Variants in SEZ6L observed in about 807,000 individuals in gnomAD.
SEZ6L encodes seizure 6-like protein.
A neutral mutation model predicts 106.2 loss-of-function variants in SEZ6L; 37 were observed. That is an observed-to-expected ratio of 0.35 (90% confidence interval 0.27 to 0.46). The LOEUF is 0.46. SEZ6L is among the 20% of genes least tolerant of loss of function. SEZ6L has a pLI of 1.00. For synonymous variants in SEZ6L, 541 were observed against 570.4 expected (o/e 0.95, Z 0.73); for missense variants, 1,172 against 1,332.8 (o/e 0.88, Z 1.88).
intron 1 of SEZ6L, among the ~76,000 whole-genome samples, chr22:26,256,755 A>C (rs890931585): frequency 5.3e-5 from 8 of 152,164 alleles, no homozygotes; most frequent in African/African-American, 1.2e-4. Context: ...CCGCAGACCC[A>C]CTGGGTCAGA....
intron 9 of SEZ6L, among the ~76,000 whole-genome samples, chr22:26,318,756 A>G (rs1277277521): frequency 1.3e-5 from 2 of 152,106 alleles, no homozygotes; most frequent in Non-Finnish European, 1.5e-5. Flanking sequence ...CTCCCTCCCT[A>G]TATCTACTTA....
chr22:26,265,347 G>C (rs763959130), intron 1 of SEZ6L, among the ~76,000 whole-genome samples: 11 of 152,078 alleles, frequency 7.2e-5, no homozygotes, highest in Non-Finnish European at 1.5e-4. Flanking sequence ...CCTCCCGCAC[G>C]CAAGTTCTGA....
chr22:26,322,322 A>G (rs902922049), intron 9 of SEZ6L, among the ~76,000 whole-genome samples: 7 of 152,186 alleles, frequency 4.6e-5, no homozygotes, highest in African/African-American at 1.7e-4. Flanking sequence ...CGTAGCCTCC[A>G]CTTCCACTGA....
At chr22:26,367,639 C>T (rs2083866701) in intron 13 of SEZ6L, among the ~76,000 whole-genome samples, 1 of 152,120 alleles carries the variant, frequency 6.6e-6, no homozygotes, top group Non-Finnish European at 1.5e-5. Context: ...CCTCTGCCTG[C>T]TTTTGACCCC....
chr22:26,327,517 C>G (rs1160475641), intron 9 of SEZ6L, among the ~76,000 whole-genome samples: 3 of 145,388 alleles, frequency 2.1e-5, no homozygotes, highest in Non-Finnish European at 4.6e-5. Flanking sequence ...ACACACGCCA[C>G]ACACCCCACG....
intron 1 of SEZ6L, among the ~76,000 whole-genome samples, chr22:26,202,070 C>T (rs946173199): frequency 2.0e-5 from 3 of 152,098 alleles, no homozygotes; most frequent in East Asian, 1.9e-4. Flanking sequence ...CCCGCCATCA[C>T]GCCCGGCTAA....
intron 7 of SEZ6L, 87 bp from the exon 8 acceptor site, chr22:26,311,681 C>T (rs893958864): frequency 3.4e-6 from 4 of 1,189,628 alleles, no homozygotes; most frequent in South Asian, 1.4e-5. Context: ...CTTTTCTAAA[C>T]AGCACAGGGG....
At chr22:26,219,849 C>A (rs1233586033) in intron 1 of SEZ6L, among the ~76,000 whole-genome samples, 2 of 152,124 alleles carry the variant, frequency 1.3e-5, no homozygotes, top group Non-Finnish European at 2.9e-5. Flanking sequence ...GCATGCGGGA[C>A]TTAATAACTA....
At chr22:26,225,370 C>T (rs1254844264) in intron 1 of SEZ6L, among the ~76,000 whole-genome samples, 1 of 152,148 alleles carries the variant, frequency 6.6e-6, no homozygotes, top group East Asian at 1.9e-4. Context: ...CTTGCTCCTC[C>T]ATGACTAGTT....
intron 1 of SEZ6L, among the ~76,000 whole-genome samples, chr22:26,287,930 A>G (rs561804534): frequency 6.0e-4 from 91 of 152,352 alleles, no homozygotes; most frequent in Non-Finnish European, 1.1e-3. Flanking sequence ...TCAGGTTTTC[A>G]GTGGGAAAGG....
rs572504676 is a variant in SEZ6L, at chr22:26,289,084, C to T, written c.95-3322C>T. Reference sequence around the variant, plus strand: ...TTCTTTCATATGCAGTCTGGCTGCCCATTTGACACATAGAGAAGATGCAGA... The same window carrying T: ...TTCTTTCATATGCAGTCTGGCTGCCTATTTGACACATAGAGAAGATGCAGA... On this transcript the variant is annotated intron_variant, in intron 1 of 16. Transcript: ENST00000248933. Among the ~76,000 whole-genome samples, 8 of 152,320 alleles carry T rather than the reference C, an allele frequency of 5.3e-5. No homozygotes were observed. The South Asian group carries it at 1.0e-3, about 20-fold the overall frequency.
At position 26,324,311 on chromosome 22, in the gene SEZ6L, A is replaced by G. The variant is rs1043588606; in HGVS notation, c.2015+10409A>G. 1.8e-4 allele frequency among the ~76,000 whole-genome samples: 27 copies of G among 152,166 alleles called. 1 individual carries two copies. The highest frequency in any genetic ancestry group is 3.4e-3 in the Middle Eastern group (1 of 294). On this transcript the variant is annotated intron_variant, in intron 9 of 16. Coordinates refer to ENST00000248933, the MANE Select transcript of SEZ6L (RefSeq NM_021115.5). ...TTTGCTCCTCTGCAGAGTTCCCAAC[A>G]TTGCTCCCTGTTTATGAGCCCCAGC...
intron 9 of SEZ6L, among the ~76,000 whole-genome samples, chr22:26,322,313 G>A (rs372903936): frequency 6.6e-6 from 1 of 152,134 alleles, no homozygotes; most frequent in Admixed American, 6.5e-5. Flanking sequence ...AGCACACACC[G>A]TAGCCTCCAC....
chr22:26,248,243 C>T (rs1199497547), intron 1 of SEZ6L, among the ~76,000 whole-genome samples: 1 of 152,222 alleles, frequency 6.6e-6, no homozygotes, highest in Non-Finnish European at 1.5e-5. Flanking sequence ...GCCACAATGT[C>T]TTCATCTGTA....
Position 26,169,602 on chromosome 22 carries a change from C to A in SEZ6L, c.-68C>A. 1 of 552,590 alleles carries A rather than the reference C, an allele frequency of 1.8e-6. No individual in the cohort carries two copies. Among genetic ancestry groups the A allele is most frequent in the South Asian group, 3.8e-5 (1 of 26,102 alleles). The allele number at this position is 552,590 out of a possible 1,614,324, so 34.2% of individuals were successfully genotyped here. ...TTCCCCTTTCTCGCTCACCGCCGCC[C>A]TCCTTCCCCAGCTCCCTCGCCGTCC... is the stretch of plus-strand genomic sequence containing the variant. On this transcript the variant is annotated 5_prime_UTR_variant, in exon 1 of 17. Transcript: ENST00000248933.
At chr22:26,253,802 C>A (rs555090365) in intron 1 of SEZ6L, among the ~76,000 whole-genome samples, 43 of 152,220 alleles carry the variant, frequency 2.8e-4, no homozygotes, top group Admixed American at 1.1e-3. Context: ...AGTATATCTG[C>A]AGTATTAAAT....
intron 6 of SEZ6L, among the ~76,000 whole-genome samples, chr22:26,310,096 G>A (rs916883410): frequency 1.3e-5 from 2 of 152,226 alleles, no homozygotes; most frequent in Non-Finnish European, 2.9e-5. Context: ...CAATTCATTA[G>A]TTCGTCGTTT....
rs142113538 is a variant in SEZ6L, at chr22:26,289,442, G to T, written c.95-2964G>T. On this transcript the variant is annotated intron_variant, in intron 1 of 16. Transcript: ENST00000248933. ...AAAGAGGCTGCTGAACCTCAGCAAG[G>T]TTCAAGGACTTGCCCAGACTCACTC... 5.5e-3 allele frequency among the ~76,000 whole-genome samples: 835 copies of T among 152,314 alleles called. 7 individuals carry two copies. The highest frequency in any genetic ancestry group is 0.018 in the African/African-American group (759 of 41,568).
At chr22:26,346,186 C>A (rs991957858) in intron 10 of SEZ6L, among the ~76,000 whole-genome samples, 101 of 152,000 alleles carry the variant, frequency 6.6e-4, no homozygotes, top group African/African-American at 2.3e-3. Flanking sequence ...TGCCATCATA[C>A]CTGGCTCATT....
Sources: gnomAD v4.1 joint callset for allele counts (sites outside exome capture counted in the v4.1 genomes callset) on GRCh38, gnomAD v4.1.1 for gene constraint, MANE v1.5 for transcripts, NCBI Gene and HGNC (gene_info 2026-07-23, HGNC 2026-07-21) for gene names.